PDE10A: variants seen among roughly 807,000 people sequenced by gnomAD.
The protein encoded by PDE10A is phosphodiesterase 10A.
In PDE10A, 39 loss-of-function variants were observed where a neutral mutation model predicts 97.7. That is an observed-to-expected ratio of 0.40 (90% CI 0.31 to 0.52). The LOEUF is 0.52. Ranked by LOEUF, PDE10A falls within the 20% of genes least tolerant of loss-of-function variation. The probability of loss-of-function intolerance (pLI) is 0.56; values close to 1 mark genes in which losing one functional copy is unlikely to be tolerated. For synonymous variants in PDE10A, 371 were observed against 376.8 expected (o/e 0.98, Z 0.18); for missense variants, 731 against 1,047.8 (o/e 0.70, Z 4.17).
intron 1 of PDE10A, among the ~76,000 whole-genome samples, chr6:165,622,256 GTA>G (rs1378384626): frequency 1.3e-5 from 2 of 149,522 alleles, no homozygotes; most frequent in African/African-American, 2.5e-5. Context: ...CTCTGTCTCT[GTA>G]TATGTGTGTT....
chr6:165,760,155 C>T (rs1793215559), intron 1 of PDE10A, among the ~76,000 whole-genome samples: 1 of 152,182 alleles, frequency 6.6e-6, no homozygotes, highest in African/African-American at 2.4e-5. Context: ...GGAATTATTT[C>T]ATGTTCTCCT....
intron 4 of PDE10A, among the ~76,000 whole-genome samples, chr6:165,449,290 A>T (rs1304086626): frequency 6.6e-6 from 1 of 152,244 alleles, no homozygotes; most frequent in Non-Finnish European, 1.5e-5. Context: ...AAATTTGAGA[A>T]TTGTGTTTAA....
At chr6:165,983,543 C>G (rs192534642) in intron 1 of PDE10A, among the ~76,000 whole-genome samples, 1 of 152,220 alleles carries the variant, frequency 6.6e-6, no homozygotes, top group Non-Finnish European at 1.5e-5. Context: ...AGCCTGCCAA[C>G]GTGCCATCTT....
At chr6:165,667,735 A>G (rs980585508), upstream of PDE10A, among the ~76,000 whole-genome samples, 4 of 152,176 alleles carry the variant, frequency 2.6e-5, no homozygotes, top group African/African-American at 7.2e-5. Context: ...ATAAAAAGAA[A>G]AACATTAATT....
intron 1 of PDE10A, among the ~76,000 whole-genome samples, chr6:165,943,234 A>AAGGAAGGAAGGAAGGAAGGAAG (rs1562809813): frequency 2.9e-5 from 1 of 34,040 alleles, no homozygotes; most frequent in Non-Finnish European, 5.6e-5. Context: ...AAAGAAAGAA[A>AAGGAAGGAAGGAAGGAAGGAAG]GAAGGAAGGA....
intron 1 of PDE10A, among the ~76,000 whole-genome samples, chr6:165,969,704 G>A (rs886720363): frequency 1.3e-5 from 2 of 152,210 alleles, no homozygotes; most frequent in Admixed American, 6.5e-5. Context: ...GAGAGAGATC[G>A]AGATAGAAAT....
chr6:165,876,053 T>C lies in PDE10A; in HGVS notation c.-615+111476A>G, dbSNP rs78936534. Among the ~76,000 whole-genome samples the C allele has an allele frequency of 9.9e-3, 1,511 of 152,332 alleles. 22 individuals are homozygous for C. Among genetic ancestry groups the C allele is most frequent in the African/African-American group, 0.032 (1,338 of 41,578 alleles). ...CTCTATGCATAAATAAAATGAGTCTTACACATTTGAAAATTGTTTTGGAAC... is the reference window on the plus strand; with the variant it reads ...CTCTATGCATAAATAAAATGAGTCTCACACATTTGAAAATTGTTTTGGAAC... On this transcript the variant is annotated intron_variant, in intron 1 of 19. Transcript: ENST00000366882.
At chr6:165,923,968 G>C (rs1223423210) in intron 1 of PDE10A, among the ~76,000 whole-genome samples, 1 of 152,154 alleles carries the variant, frequency 6.6e-6, no homozygotes, top group Non-Finnish European at 1.5e-5. Flanking sequence ...ATTGCTGGAG[G>C]CCAGGGATTC....
chr6:165,534,625 C>T (rs548086711), intron 2 of PDE10A, among the ~76,000 whole-genome samples: 1 of 152,086 alleles, frequency 6.6e-6, no homozygotes, highest in East Asian at 1.9e-4. Context: ...CATATCTAAA[C>T]ATGTAAAGAT....
chr6:165,461,280 CTGTT>C (rs1030972610), intron 3 of PDE10A, among the ~76,000 whole-genome samples: 4 of 152,278 alleles, frequency 2.6e-5, no homozygotes, highest in African/African-American at 7.2e-5. Flanking sequence ...ATTTAAAAGA[CTGTT>C]TGTTTGCTAT....
chr6:165,403,306 C>T (rs554848736), intron 13 of PDE10A, among the ~76,000 whole-genome samples: 5 of 152,104 alleles, frequency 3.3e-5, no homozygotes, highest in African/African-American at 2.4e-5. Flanking sequence ...AGTGGTGCAC[C>T]GAACTGGCTT....
chr6:165,914,744 TG>T (rs1390766314), intron 1 of PDE10A, among the ~76,000 whole-genome samples: 1 of 152,214 alleles, frequency 6.6e-6, no homozygotes, highest in Non-Finnish European at 1.5e-5. Flanking sequence ...TATTTCAGTG[TG>T]TTTGTCATCT....
chr6:165,422,360 T>C (rs986763498), intron 10 of PDE10A, among the ~76,000 whole-genome samples: 2 of 138,896 alleles, frequency 1.4e-5, no homozygotes, highest in Admixed American at 7.2e-5. Context: ...CATACACACA[T>C]ACGCATATAC....
chr6:165,909,627 C>T (rs1053564050), intron 1 of PDE10A, among the ~76,000 whole-genome samples: 6 of 152,158 alleles, frequency 3.9e-5, no homozygotes, highest in African/African-American at 1.2e-4. Flanking sequence ...CATCAGAAAG[C>T]GAATTGCTCC....
chr6:165,719,460 A>C (rs1385395246), intron 1 of PDE10A, among the ~76,000 whole-genome samples: 3 of 152,244 alleles, frequency 2.0e-5, no homozygotes, highest in Admixed American at 6.5e-5. Context: ...CAAGAATTCA[A>C]ATGAAATATG....
chr6:165,334,981 G>A (rs948542896), intron 21 of PDE10A, among the ~76,000 whole-genome samples: 2 of 152,100 alleles, frequency 1.3e-5, no homozygotes, highest in African/African-American at 4.8e-5. Flanking sequence ...CTCCCACAGG[G>A]CATCCACTCC....
At chr6:165,387,189 G>C (rs1055905150) in intron 17 of PDE10A, among the ~76,000 whole-genome samples, 1 of 152,144 alleles carries the variant, frequency 6.6e-6, no homozygotes, top group Admixed American at 6.5e-5. Context: ...CTACCTACTG[G>C]GGATGGCTTG....
At chr6:165,470,557 T>C (rs1253876566) in intron 3 of PDE10A, among the ~76,000 whole-genome samples, 1 of 152,274 alleles carries the variant, frequency 6.6e-6, no homozygotes, top group African/African-American at 2.4e-5. Context: ...AAGCCAGATT[T>C]TCTACTCATT....
intron 21 of PDE10A, among the ~76,000 whole-genome samples, chr6:165,334,715 G>T (rs1392434661): frequency 6.6e-6 from 1 of 152,114 alleles, no homozygotes; most frequent in African/African-American, 2.4e-5. Flanking sequence ...TTGTAATAAG[G>T]TAAGATTTTA....
Sources: allele counts gnomAD v4.1 joint callset (sites outside exome capture counted in the v4.1 genomes callset), GRCh38; gene constraint gnomAD v4.1.1; transcripts MANE v1.5; gene names NCBI Gene and HGNC (gene_info 2026-07-23, HGNC 2026-07-21).